The following PIK3C3 variants were observed in gnomAD, a reference collection of about 807,000 sequenced individuals.
PIK3C3 encodes phosphatidylinositol 3-kinase catalytic subunit type 3.
A neutral mutation model predicts 126.1 loss-of-function variants in PIK3C3; 95 were observed. That is an observed-to-expected ratio of 0.75 (90% CI 0.64 to 0.89). The LOEUF is 0.89. Ranked by LOEUF, PIK3C3 falls within the 40% of genes least tolerant of loss-of-function variation. PIK3C3 has a pLI of 0.00. For missense variants in PIK3C3, 829 were observed against 1,063.2 expected, an observed-to-expected ratio of 0.78 and a Z score of 3.06; for synonymous variants, 374 against 360.0, an observed-to-expected ratio of 1.04 and a Z score of -0.44.
At chr18:41,982,994 T>G (rs957165533) in intron 4 of PIK3C3, among the ~76,000 whole-genome samples, 7 of 152,184 alleles carry the variant, frequency 4.6e-5, no homozygotes, top group Admixed American at 1.3e-4. Context: ...TGTTTGAAAT[T>G]CTTGGTTCAT....
At chr18:42,041,263 A>G (rs1426743514) in intron 19 of PIK3C3, among the ~76,000 whole-genome samples, 1 of 152,086 alleles carries the variant, frequency 6.6e-6, no homozygotes, top group Non-Finnish European at 1.5e-5. Flanking sequence ...TTATACTTGC[A>G]TTATATTCCA....
intron 4 of PIK3C3, among the ~76,000 whole-genome samples, chr18:41,977,448 T>G (rs111941758): frequency 1.4e-4 from 22 of 151,874 alleles, no homozygotes; most frequent in African/African-American, 4.6e-4. Context: ...GCTGCAAAAT[T>G]GCGGAAACGT....
At chr18:42,079,996 A>AGTGT (rs1208279657) in intron 24 of PIK3C3, among the ~76,000 whole-genome samples, 101 of 135,726 alleles carry the variant, frequency 7.4e-4, no homozygotes, top group African/African-American at 2.7e-3. Flanking sequence ...TGTAAGAGAG[A>AGTGT]GAGTGTGTGT....
chr18:41,983,300 A>G (rs1399659080), intron 4 of PIK3C3, among the ~76,000 whole-genome samples: 1 of 151,912 alleles, frequency 6.6e-6, no homozygotes, highest in Non-Finnish European at 1.5e-5. Context: ...AGCAAGTTAC[A>G]TATATTTGTA....
In PIK3C3 at chr18:42,019,619, T is replaced by A. The variant is rs575836133; in HGVS notation, c.1417-1019T>A. On this transcript the variant is annotated intron_variant, in intron 12 of 24. Transcript: ENST00000262039. The stretch of plus-strand genomic sequence containing the variant: ...TCAGCACTTTCCTCTCTCCTTGATA[T>A]CTTAATGTTCCTCAGGGTCCTCTTC... Among the ~76,000 whole-genome samples the A allele has an allele frequency of 1.6e-4, 25 of 152,258 alleles. No homozygotes were observed. In the East Asian group the frequency reaches 4.6e-3, roughly 28 times the overall value.
At chr18:42,070,609 T>C (rs1403366342) in intron 24 of PIK3C3, 1 of 152,196 alleles carries the variant, frequency 6.6e-6, no homozygotes, top group African/African-American at 2.4e-5. Context: ...TACCAAAGTC[T>C]CTGGGCCTCA....
At chr18:41,974,095 C>T (rs185923384) in intron 4 of PIK3C3, among the ~76,000 whole-genome samples, 10 of 152,250 alleles carry the variant, frequency 6.6e-5, no homozygotes, top group Admixed American at 6.5e-4. Context: ...AGAGTTTACT[C>T]ACTTATAGAA....
At chr18:42,067,926 A>T (rs547354942) in intron 24 of PIK3C3, among the ~76,000 whole-genome samples, 1 of 152,376 alleles carries the variant, frequency 6.6e-6, no homozygotes, top group Non-Finnish European at 1.5e-5. Context: ...CCATAGACTT[A>T]CTATTAGCAG....
intron 6 of PIK3C3, 47 bp from the exon 7 acceptor site, chr18:41,993,223 A>G (rs754393953): frequency 2.7e-6 from 3 of 1,111,402 alleles, no homozygotes; most frequent in South Asian, 1.3e-5. Context: ...ACTGCTTCCT[A>G]TTGTATTAAA....
chr18:42,067,165 G>T (rs1023614059), intron 23 of PIK3C3, among the ~76,000 whole-genome samples: 1 of 152,116 alleles, frequency 6.6e-6, no homozygotes, highest in South Asian at 2.1e-4. Flanking sequence ...CTTAAAAACT[G>T]TTTACAACCA....
intron 6 of PIK3C3, among the ~76,000 whole-genome samples, chr18:41,992,267 T>C (rs1981814869): frequency 6.6e-6 from 1 of 152,184 alleles, no homozygotes; most frequent in African/African-American, 2.4e-5. Flanking sequence ...TTGTGACAGA[T>C]AGCCTTAGTG....
intron 5 of PIK3C3, among the ~76,000 whole-genome samples, chr18:41,989,503 C>T (rs1411042456): frequency 1.3e-5 from 2 of 152,152 alleles, no homozygotes; most frequent in African/African-American, 4.8e-5. Flanking sequence ...CAGTCAACTG[C>T]AGATCACATG....
intron 22 of PIK3C3, among the ~76,000 whole-genome samples, chr18:42,060,652 T>A (rs1432555274): frequency 6.6e-6 from 1 of 151,828 alleles, no homozygotes; most frequent in East Asian, 1.9e-4. Flanking sequence ...TGGTGCACGC[T>A]TGTAATCTCA....
chr18:41,968,556 G>T (rs80182297), intron 3 of PIK3C3, among the ~76,000 whole-genome samples: 3,264 of 152,144 alleles, frequency 0.021, 50 homozygotes, highest in Middle Eastern at 0.058. Context: ...AGAATTATCT[G>T]TTTTATTGCC....
intron 21 of PIK3C3, chr18:42,049,975 G>GA (rs1205934658): frequency 0.029 from 3,725 of 128,736 alleles, 77 homozygotes; most frequent in Middle Eastern, 0.087. Flanking sequence ...CGCCATCTTA[G>GA]AAAAAAAAAA....
intron 10 of PIK3C3, among the ~76,000 whole-genome samples, chr18:42,008,086 A>G (rs1982636393): frequency 6.6e-6 from 1 of 152,218 alleles, no homozygotes; most frequent in Non-Finnish European, 1.5e-5. Context: ...TACTGTAAGT[A>G]TGCTGATACA....
Position 42,020,673 on chromosome 18 carries a change from C to T in PIK3C3, c.1452C>T (p.Cys484=). 6.2e-7 allele frequency: 1 copy of T among 1,603,578 alleles called. No individual in the cohort carries two copies. Among genetic ancestry groups the T allele is most frequent in the Non-Finnish European group, 8.5e-7 (1 of 1,171,718 alleles). ...GTACCTTCTTGATATCGAGAGCCTG[C>T]AAAAACTCAACACTGGCTAATTATT... ...DLCTFLISRA[C]KNSTLANYLY... The change falls in exon 13 of 25, where the codon TGC becomes TGT. Residue 484 remains cysteine, a synonymous_variant. Coordinates refer to ENST00000262039, the MANE Select transcript of PIK3C3 (RefSeq NM_002647.4).
intron 20 of PIK3C3, among the ~76,000 whole-genome samples, chr18:42,044,531 G>T (rs1434581021): frequency 6.6e-6 from 1 of 151,986 alleles, no homozygotes; most frequent in Non-Finnish European, 1.5e-5. Flanking sequence ...TTCCACCTCA[G>T]CCCGCCGAGT....
intron 3 of PIK3C3, among the ~76,000 whole-genome samples, chr18:41,967,233 C>T (rs1354069567): frequency 6.6e-6 from 1 of 152,030 alleles, no homozygotes; most frequent in Non-Finnish European, 1.5e-5. Context: ...TGTTGGCTCA[C>T]AGCTACTTCC....
Sources: gnomAD v4.1 joint callset for allele counts (sites outside exome capture counted in the v4.1 genomes callset) on GRCh38, gnomAD v4.1.1 for gene constraint, MANE v1.5 for transcripts, NCBI Gene and HGNC (gene_info 2026-07-23, HGNC 2026-07-21) for gene names.